The following PDILT variants were observed in gnomAD, a reference collection of about 807,000 sequenced individuals.
PDILT encodes the protein protein disulfide-isomerase-like protein of the testis.
In PDILT, 43 loss-of-function variants were observed where a neutral mutation model predicts 53.7. The ratio of observed to expected loss-of-function variants is 0.80; its 90% CI spans 0.63 to 1.03. PDILT has a LOEUF of 1.03. Among genes scored for constraint, PDILT ranks in the 50% least tolerant of loss-of-function variants. PDILT has a pLI of 0.00. For missense variants in PDILT, 727 were observed against 712.3 expected (o/e 1.02, Z -0.24); for synonymous variants, 282 against 274.2 (o/e 1.03, Z -0.28).
intron 7 of PDILT, among the ~76,000 whole-genome samples, chr16:20,371,976 A>G (rs1366162545): frequency 2.0e-5 from 3 of 152,136 alleles, no homozygotes; most frequent in Admixed American, 6.5e-5. Flanking sequence ...TTAGGTTACA[A>G]AGTTCTCAAT....
At chr16:20,366,964 C>CTTCA (rs1966202709) in intron 8 of PDILT, among the ~76,000 whole-genome samples, 1 of 142,766 alleles carries the variant, frequency 7.0e-6, no homozygotes, top group African/African-American at 2.7e-5. Context: ...TCCTTCCTTC[C>CTTCA]TTCCTTCCTT....
chr16:20,366,320 C>T (rs995762311), intron 8 of PDILT, among the ~76,000 whole-genome samples: 10 of 152,060 alleles, frequency 6.6e-5, no homozygotes, highest in Non-Finnish European at 1.3e-4. Flanking sequence ...GACAGGCCTC[C>T]CCACTCCTGA....
intron 9 of PDILT, among the ~76,000 whole-genome samples, chr16:20,363,759 G>A (rs1966147556): frequency 6.6e-6 from 1 of 152,078 alleles, no homozygotes; most frequent in South Asian, 2.1e-4. Flanking sequence ...TTCAGAGGAG[G>A]AGAACATCCC....
intron 2 of PDILT, among the ~76,000 whole-genome samples, chr16:20,388,414 A>G (rs552069848): frequency 5.9e-5 from 9 of 152,312 alleles, no homozygotes; most frequent in Non-Finnish European, 1.2e-4. Context: ...GTCAACTCGA[A>G]GGCTGACTGG....
At chr16:20,382,991 C>T (rs769125469) in intron 3 of PDILT, among the ~76,000 whole-genome samples, 3 of 152,168 alleles carry the variant, frequency 2.0e-5, no homozygotes, top group Non-Finnish European at 2.9e-5. Flanking sequence ...AACACAGATG[C>T]TGTGAGGCCA....
rs1271987950 is a variant in PDILT, at chr16:20,374,831, C to G, written c.672G>C (p.Val224=). 1 of 1,612,358 alleles carries G rather than the reference C, an allele frequency of 6.2e-7. No homozygotes were observed. Among genetic ancestry groups the G allele is most frequent in the Non-Finnish European group, 8.5e-7 (1 of 1,179,410 alleles). The change falls in exon 5 of 12, where the codon GTG becomes GTC. Residue 224 remains valine, a synonymous_variant. Coordinates refer to ENST00000302451, the MANE Select transcript of PDILT (RefSeq NM_174924.2). ...AGGATCAAAATCCTACCTTTTTGAA[C>G]ACCAGGACGCTGTCAAGGGTGACGT... The part of the protein sequence containing the change: ...RFHVTLDSVL[V]FKKGKIVNRQ...
In PDILT at chr16:20,373,074, G is replaced by C. The variant is rs772483625; in HGVS notation, c.730C>G (p.Gln244Glu). 6.2e-7 allele frequency: 1 copy of C among 1,614,112 alleles called. No homozygotes were observed. The highest frequency in any genetic ancestry group is 2.2e-5 in the East Asian group (1 of 44,878). ...QKLINDSTNK[Q>E]ELNRVIKQHL... is the part of the protein sequence containing the mutation. The stretch of plus-strand genomic sequence containing the variant: ...TGTTTTATGACACGATTGAGTTCCT[G>C]TTTGTTGGTACTGTCATTAATAAGC... Residue 244 changes from glutamine to glutamate, a missense_variant, in exon 6 of 12, where the codon CAG becomes GAG. Gln to Glu is a conservative substitution (Grantham distance 29, BLOSUM62 2). Coordinates refer to ENST00000302451, the MANE Select transcript of PDILT (RefSeq NM_174924.2).
At position 20,362,385 on chromosome 16, in the gene PDILT, C is replaced by A. The variant is rs112178426; in HGVS notation, c.1416+19G>T. On this transcript the variant is annotated intron_variant, in intron 10 of 11. Coordinates refer to ENST00000302451, the MANE Select transcript of PDILT (RefSeq NM_174924.2). Reference sequence around the variant, plus strand: ...ACATAACATTGTTTTCAGCCATGTGCGTCCCAAGAGCCCCTCACTTGTTGA... The same window carrying A: ...ACATAACATTGTTTTCAGCCATGTGAGTCCCAAGAGCCCCTCACTTGTTGA... The A allele has an allele frequency of 6.2e-7, 1 of 1,611,948 alleles. No homozygotes were observed. The highest frequency in any genetic ancestry group is 1.1e-5 in the South Asian group (1 of 90,672).
intron 7 of PDILT, 47 bp from the exon 8 acceptor site, chr16:20,369,736 G>A (rs375545646): frequency 3.6e-4 from 565 of 1,590,362 alleles, no homozygotes; most frequent in Non-Finnish European, 4.7e-4. Flanking sequence ...CTTTGCCAGT[G>A]GAGAAAAACT....
At chr16:20,364,799 C>T (rs1443304302) in intron 9 of PDILT, among the ~76,000 whole-genome samples, 3 of 152,192 alleles carry the variant, frequency 2.0e-5, no homozygotes, top group Non-Finnish European at 2.9e-5. Flanking sequence ...TTATCAAGTG[C>T]TTACAATATG....
intron 2 of PDILT, among the ~76,000 whole-genome samples, chr16:20,397,849 C>T (rs1365818975): frequency 1.3e-5 from 2 of 152,170 alleles, no homozygotes; most frequent in African/African-American, 2.4e-5. Flanking sequence ...TGGTCAGGCA[C>T]GTCCTGGAAG....
At chr16:20,362,902 T>C (rs1030930937) in intron 9 of PDILT, among the ~76,000 whole-genome samples, 3 of 151,682 alleles carry the variant, frequency 2.0e-5, no homozygotes, top group African/African-American at 7.3e-5. Flanking sequence ...TGAAATCCCA[T>C]CTCTACTAAA....
chr16:20,393,278 T>G (rs4319774), intron 2 of PDILT, among the ~76,000 whole-genome samples: 20,705 of 152,170 alleles, frequency 0.14, 1,760 homozygotes, highest in African/African-American at 0.24. Context: ...CCTGCCGTGC[T>G]CACAGGCTCA....
intron 2 of PDILT, among the ~76,000 whole-genome samples, chr16:20,391,837 T>C (rs1276266109): frequency 5.9e-5 from 9 of 151,764 alleles, no homozygotes; most frequent in Non-Finnish European, 1.2e-4. Context: ...TGAAGGTGGG[T>C]ACAGCCTACC....
At position 20,373,122 on chromosome 16, in the gene PDILT, C is replaced by A. The variant is rs1030249883; in HGVS notation, c.682G>T (p.Gly228Ter). Residue 228 changes from glycine to a stop codon, truncating the protein, a stop_gained and splice_region_variant, in exon 6 of 12, where the codon GGA becomes TGA. Transcript: ENST00000302451. LOFTEE classifies it high-confidence loss of function. ...AGCTTTTGGCGGTTCACAATTTTTC[C>A]CTTGTACAAAAGGAGAAACATATTG... ...TLDSVLVFKK[G>*]KIVNRQKLIN... 18 of 1,612,892 alleles carry A rather than the reference C, an allele frequency of 1.1e-5. No homozygotes were observed. Among genetic ancestry groups the A allele is most frequent in the Admixed American group, 1.7e-5 (1 of 59,966 alleles).
chr16:20,387,611 C>T (rs376863502), intron 2 of PDILT, among the ~76,000 whole-genome samples: 53 of 151,994 alleles, frequency 3.5e-4, no homozygotes, highest in African/African-American at 1.2e-3. Flanking sequence ...TACTCTTTTT[C>T]TTTTCTTTTT....
At chr16:20,397,435 G>A (rs540452613) in intron 2 of PDILT, among the ~76,000 whole-genome samples, 1 of 152,226 alleles carries the variant, frequency 6.6e-6, no homozygotes, top group South Asian at 2.1e-4. Flanking sequence ...GAGCTACCAT[G>A]CCCAGCCTAT....
At chr16:20,384,883 C>A (rs374030715) in intron 2 of PDILT, 32 bp from the exon 3 acceptor site, 6 of 1,592,454 alleles carry the variant, frequency 3.8e-6, no homozygotes, top group African/African-American at 1.3e-5. Flanking sequence ...ATTTGAGAGG[C>A]CTTTCCTCGC....
intron 5 of PDILT, among the ~76,000 whole-genome samples, chr16:20,374,083 G>A (rs1188938188): frequency 6.6e-6 from 1 of 151,810 alleles, no homozygotes; most frequent in Non-Finnish European, 1.5e-5. Context: ...AGCTAGGACT[G>A]CAAGAACTTG....
Sources: allele counts gnomAD v4.1 joint callset (sites outside exome capture counted in the v4.1 genomes callset), GRCh38; gene constraint gnomAD v4.1.1; transcripts MANE v1.5; gene names NCBI Gene and HGNC (gene_info 2026-07-23, HGNC 2026-07-21).